HSD17B12: variants seen among roughly 807,000 people sequenced by gnomAD.
HSD17B12 encodes the protein hydroxysteroid 17-beta dehydrogenase 12, also known as very-long-chain 3-oxoacyl-CoA reductase.
In HSD17B12, 32 loss-of-function variants were observed where a neutral mutation model predicts 39.3. The ratio of observed to expected loss-of-function variants is 0.81; its 90% confidence interval spans 0.61 to 1.09. The LOEUF is 1.09. Ranked by LOEUF, HSD17B12 falls within the 50% of genes least tolerant of loss-of-function variation. The probability of loss-of-function intolerance (pLI) is 0.00; values close to 1 mark genes in which losing one functional copy is unlikely to be tolerated. For synonymous variants in HSD17B12, 150 were observed against 146.7 expected, an observed-to-expected ratio of 1.02 and a Z score of -0.16; for missense variants, 342 against 382.9, an observed-to-expected ratio of 0.89 and a Z score of 0.89.
intron 3 of HSD17B12, among the ~76,000 whole-genome samples, chr11:43,767,249 G>C (rs1401140387): frequency 6.6e-6 from 1 of 152,012 alleles, no homozygotes; most frequent in Non-Finnish European, 1.5e-5. Flanking sequence ...TGGGACCAAG[G>C]TGTTATTAAA....
chr11:43,620,026 T>C, the HSD17B12 span, among the ~76,000 whole-genome samples: 1 of 152,162 alleles, frequency 6.6e-6, no homozygotes, highest in Non-Finnish European at 1.5e-5. Flanking sequence ...AGTATAAAGG[T>C]AGTTAGAAAC....
At chr11:43,803,676 A>G (rs1263200431) in intron 4 of HSD17B12, among the ~76,000 whole-genome samples, 2 of 152,224 alleles carry the variant, frequency 1.3e-5, no homozygotes. Context: ...AGATAAGTGG[A>G]AAGGAAACAG....
the HSD17B12 span, among the ~76,000 whole-genome samples, chr11:43,580,578 A>G: frequency 4.9e-4 from 74 of 151,906 alleles, no homozygotes; most frequent in African/African-American, 1.7e-3. Flanking sequence ...GTTTGGGTTT[A>G]TTTTATGTTC....
chr11:43,855,154 T>A lies in HSD17B12; in HGVS notation c.845T>A (p.Ile282Asn), dbSNP rs373675346. ...YLIHALMGSI[I>N]SNLPSWIYLK... Reference sequence around the variant, plus strand: ...ATTCTGTTTCCCTAGGGCTCGATAATCTCAAACCTGCCTTCTTGGATTTAT... The same window carrying A: ...ATTCTGTTTCCCTAGGGCTCGATAAACTCAAACCTGCCTTCTTGGATTTAT... Residue 282 changes from isoleucine to asparagine, a missense_variant, in exon 11 of 11, where the codon ATC becomes AAC. Coordinates refer to ENST00000278353, the MANE Select transcript of HSD17B12 (RefSeq NM_016142.3). The A allele has an allele frequency of 6.5e-5, 104 of 1,606,694 alleles. No individual in the cohort carries two copies. The highest frequency in any genetic ancestry group is 8.1e-5 in the Non-Finnish European group (95 of 1,175,156).
chr11:43,741,028 C>T (rs1452911807), intron 1 of HSD17B12, among the ~76,000 whole-genome samples: 1 of 151,966 alleles, frequency 6.6e-6, no homozygotes, highest in Admixed American at 6.5e-5. Context: ...TAAGAAACCA[C>T]AAAAAACAAG....
chr11:43,745,431 A>G lies in HSD17B12; in HGVS notation c.161-5480A>G, dbSNP rs987658233. On this transcript the variant is annotated intron_variant, in intron 1 of 10. Coordinates refer to ENST00000278353, the MANE Select transcript of HSD17B12 (RefSeq NM_016142.3). ...GAGAAATCTAGTGATACTGCCATCA[A>G]TTCATTGCTGTAATCATATATATAG... is the stretch of plus-strand genomic sequence containing the variant. Among the ~76,000 whole-genome samples, 22 of 152,292 alleles carry G rather than the reference A, an allele frequency of 1.4e-4. No homozygotes were observed. In the South Asian group the frequency reaches 1.9e-3, roughly 13 times the overall value.
At chr11:43,681,716 C>T (rs180864104) in intron 1 of HSD17B12, among the ~76,000 whole-genome samples, 1 of 151,236 alleles carries the variant, frequency 6.6e-6, no homozygotes, top group East Asian at 1.9e-4. Context: ...AAAGTATACC[C>T]GTAAAGAGTG....
At chr11:43,736,749 C>T (rs903491976) in intron 1 of HSD17B12, among the ~76,000 whole-genome samples, 1 of 152,130 alleles carries the variant, frequency 6.6e-6, no homozygotes, top group Non-Finnish European at 1.5e-5. Context: ...GTTTTATTAA[C>T]TTGCACCCTG....
At chr11:43,771,916 G>A (rs945722091) in intron 3 of HSD17B12, among the ~76,000 whole-genome samples, 6 of 152,116 alleles carry the variant, frequency 3.9e-5, no homozygotes, top group African/African-American at 1.4e-4. Context: ...TCTATAAACT[G>A]TCACCTTAAA....
upstream of HSD17B12, among the ~76,000 whole-genome samples, chr11:43,679,342 G>C (rs1949719659): frequency 6.6e-6 from 1 of 152,144 alleles, no homozygotes; most frequent in African/African-American, 2.4e-5. Flanking sequence ...GGAAGTTCTG[G>C]CCAGGGCAAT....
chr11:43,733,644 A>G, intron 1 of HSD17B12: 1 of 426,148 alleles, frequency 2.3e-6, no homozygotes, highest in Non-Finnish European at 4.4e-6. Context: ...CCCTTTCCTG[A>G]TCTAGCCCTT....
chr11:43,640,743 T>TG, the HSD17B12 span, among the ~76,000 whole-genome samples: 9 of 151,958 alleles, frequency 5.9e-5, no homozygotes, highest in Non-Finnish European at 1.2e-4. Flanking sequence ...CAGGGTAAAA[T>TG]GCAGAAAAAC....
At chr11:43,746,461 T>C (rs138127354) in intron 1 of HSD17B12, among the ~76,000 whole-genome samples, 2 of 152,178 alleles carry the variant, frequency 1.3e-5, no homozygotes, top group Non-Finnish European at 2.9e-5. Flanking sequence ...TCAATATCAG[T>C]GTCTTTTACC....
chr11:43,855,511 AT>A lies in HSD17B12; in HGVS notation c.*264del, dbSNP rs990447062. On this transcript the variant is annotated 3_prime_UTR_variant, in exon 11 of 11. Coordinates refer to ENST00000278353, the MANE Select transcript of HSD17B12 (RefSeq NM_016142.3). ...GAACTAATATTGTCGGGAACACCTAATAGAAAGGAATACTATTATAGCAAAT... is the reference window on the plus strand; with the variant it reads ...GAACTAATATTGTCGGGAACACCTAAAGAAAGGAATACTATTATAGCAAAT... 5.0e-6 allele frequency: 1 copy of A among 201,278 alleles called. No individual in the cohort carries two copies. The highest frequency in any genetic ancestry group is 2.3e-5 in the African/African-American group (1 of 43,240). The allele number at this position is 201,278 out of a possible 1,614,324, so 12.5% of individuals were successfully genotyped here.
At chr11:43,748,299 T>C (rs528875429) in intron 1 of HSD17B12, among the ~76,000 whole-genome samples, 18 of 152,276 alleles carry the variant, frequency 1.2e-4, no homozygotes, top group African/African-American at 4.1e-4. Flanking sequence ...AATAAAATCA[T>C]GTCCTTTGCA....
At chr11:43,690,390 ATATATATATATATATT>A (rs1212947887) in intron 1 of HSD17B12, among the ~76,000 whole-genome samples, 1 of 14,588 alleles carries the variant, frequency 6.9e-5, no homozygotes, top group Non-Finnish European at 1.1e-4. Context: ...ATATATATAT[ATATATATATATATATT>A]TTTTTTTTTT....
intron 3 of HSD17B12, among the ~76,000 whole-genome samples, chr11:43,768,186 A>T (rs544016235): frequency 2.0e-5 from 3 of 152,204 alleles, no homozygotes; most frequent in Admixed American, 2.0e-4. Context: ...AACTTTTGGA[A>T]GGTGCATCCC....
intron 3 of HSD17B12, among the ~76,000 whole-genome samples, chr11:43,771,432 T>G (rs1950648032): frequency 6.6e-6 from 1 of 150,658 alleles, no homozygotes; most frequent in African/African-American, 2.4e-5. Context: ...TCATTTCTGT[T>G]GGATATATAT....
rs549561093 is a variant in HSD17B12, at chr11:43,768,845, CAGAGTGCTGATTGGTCCATTTTAA to C, written c.283+14747_283+14770del. ...ATGTCCTGCTGATTGGTCCATTTTA[CAGAGTGCTGATTGGTCCATTTTAA>C]AGAGTGCTGATTGGTCCATTTTTAC... On this transcript the variant is annotated intron_variant, in intron 3 of 10. Coordinates refer to ENST00000278353, the MANE Select transcript of HSD17B12 (RefSeq NM_016142.3). 5.1e-3 allele frequency among the ~76,000 whole-genome samples: 746 copies of C among 146,154 alleles called. 4 individuals carry two copies. Among genetic ancestry groups the C allele is most frequent in the Non-Finnish European group, 4.9e-3 (329 of 67,612 alleles).
Sources: allele counts gnomAD v4.1 joint callset (sites outside exome capture counted in the v4.1 genomes callset), GRCh38; gene constraint gnomAD v4.1.1; transcripts MANE v1.5; gene names NCBI Gene and HGNC (gene_info 2026-07-23, HGNC 2026-07-21).